The following LINGO1 variants were observed in gnomAD, a reference collection of about 807,000 sequenced individuals.
LINGO1 encodes the protein leucine rich repeat and Ig domain containing 1, also known as leucine-rich repeat and immunoglobulin-like domain-containing nogo receptor-interacting protein 1.
In LINGO1, 11 loss-of-function variants were observed where a neutral mutation model predicts 37.3. The ratio of observed to expected loss-of-function variants is 0.29; its 90% CI spans 0.19 to 0.49. The LOEUF is 0.49. Ranked by LOEUF, LINGO1 falls within the 20% of genes least tolerant of loss-of-function variation. The pLI, the probability that LINGO1 is intolerant of heterozygous loss-of-function variation, is 0.99. For missense variants in LINGO1, 585 were observed against 878.2 expected, an observed-to-expected ratio of 0.67 and a Z score of 4.22; for synonymous variants, 387 against 403.0, an observed-to-expected ratio of 0.96 and a Z score of 0.48.
chr15:77,693,581 G>C (rs1370590886), intron 1 of LINGO1, among the ~76,000 whole-genome samples: 1 of 152,236 alleles, frequency 6.6e-6, no homozygotes, highest in African/African-American at 2.4e-5. Flanking sequence ...AACCAGGTAA[G>C]TGCTATGATG....
upstream of LINGO1, among the ~76,000 whole-genome samples, chr15:77,699,708 C>G (rs2075751933): frequency 5.0e-5 from 2 of 39,684 alleles, no homozygotes; most frequent in African/African-American, 9.4e-5. Context: ...TACTAACCAT[C>G]ATTCCCACAC....
chr15:77,634,818 T>G (rs1195966617), upstream of LINGO1, among the ~76,000 whole-genome samples: 3 of 117,530 alleles, frequency 2.6e-5, no homozygotes, highest in Admixed American at 8.6e-5. Context: ...CCGCGCCGCC[T>G]CCTCCCACCA....
chr15:77,802,640 C>T (rs1567592624), intron 1 of LINGO1, among the ~76,000 whole-genome samples: 2 of 152,232 alleles, frequency 1.3e-5, no homozygotes, highest in East Asian at 1.9e-4. Context: ...TTGCACAGCT[C>T]GTGTTCCACC....
rs2073657981 is a variant in LINGO1, at chr15:77,615,092, T to C, written c.815A>G (p.His272Arg). The C allele has an allele frequency of 4.3e-6, 7 of 1,613,760 alleles. No homozygotes were observed. In the African/African-American group the frequency reaches 6.7e-5, roughly 15 times the overall value. ...GTAGGGCACAGCGGTCAGATTGCAG[T>C]GTGTGATGGACAGGGACGTCAGGTT... The part of the protein sequence containing the change: ...GLNLTSLSIT[H>R]CNLTAVPYLA... The change falls in exon 2 of 2, where the codon CAC (histidine) becomes CGC (arginine). Residue 272 changes from histidine (H) to arginine (R), a missense_variant. Around this residue, in one of 4 missense-constraint regions of LINGO1, gnomAD observed 484 missense variants for 735.0 expected, o/e 0.66. Coordinates refer to ENST00000355300, the MANE Select transcript of LINGO1 (RefSeq NM_032808.7).
At chr15:77,777,467 A>G (rs28434251) in intron 1 of LINGO1, among the ~76,000 whole-genome samples, 9,784 of 29,774 alleles carry the variant, frequency 0.33, 817 homozygotes, top group African/African-American at 0.51. Flanking sequence ...ACACACACGC[A>G]CACACACACA....
upstream of LINGO1, chr15:77,634,467 G>C: frequency 2.6e-6 from 1 of 381,650 alleles, no homozygotes; most frequent in Non-Finnish European, 5.3e-6. Flanking sequence ...TCACCCTCCA[G>C]CAACTCTGGG....
chr15:77,687,995 C>A (rs527842775), intron 2 of LINGO1, among the ~76,000 whole-genome samples: 2 of 152,172 alleles, frequency 1.3e-5, no homozygotes, highest in African/African-American at 4.8e-5. Flanking sequence ...TGCTTTTAAG[C>A]CACCTTGCTG....
At chr15:77,649,009 G>C (rs937698867) in intron 3 of LINGO1, 1 of 152,200 alleles carries the variant, frequency 6.6e-6, no homozygotes. Context: ...TACTATTGTG[G>C]GTTCTGGTCC....
chr15:77,792,980 T>C (rs9806264), intron 2 of LINGO1, among the ~76,000 whole-genome samples: 138,481 of 152,252 alleles, frequency 0.91, 63,385 homozygotes, highest in Non-Finnish European at 0.96. Context: ...GGAGAGGCCA[T>C]TAGCTCTACC....
chr15:77,808,993 G>A (rs541506881), intron 1 of LINGO1, among the ~76,000 whole-genome samples: 1 of 152,332 alleles, frequency 6.6e-6, no homozygotes. Flanking sequence ...CCGGCTAGGA[G>A]CAAAGGGCAC....
intron 1 of LINGO1, among the ~76,000 whole-genome samples, chr15:77,627,916 G>A (rs2074142091): frequency 6.6e-6 from 1 of 152,230 alleles, no homozygotes; most frequent in Admixed American, 6.5e-5. Context: ...TGCTTAGTGA[G>A]CACCTAGTAC....
chr15:77,647,836 C>T (rs1373730112), intron 3 of LINGO1: 1 of 456,254 alleles, frequency 2.2e-6, no homozygotes, highest in South Asian at 1.6e-5. Context: ...TTTTGGCCCT[C>T]AGCACTTTTC....
At chr15:77,649,202 C>T (rs1046734658) in intron 3 of LINGO1, 14 of 152,204 alleles carry the variant, frequency 9.2e-5, no homozygotes, top group Admixed American at 9.2e-4. Context: ...TTTTAATAGC[C>T]ACACACACGG....
intron 2 of LINGO1, among the ~76,000 whole-genome samples, chr15:77,794,067 C>T (rs117027728): frequency 0.028 from 4,235 of 152,212 alleles, 76 homozygotes; most frequent in Non-Finnish European, 0.039. Context: ...CCAATGCCCC[C>T]GGGCTGTGGT....
At chr15:77,804,087 C>G (rs553375554) in intron 1 of LINGO1, among the ~76,000 whole-genome samples, 110 of 152,046 alleles carry the variant, frequency 7.2e-4, no homozygotes, top group Non-Finnish European at 1.4e-3. Flanking sequence ...AGCAGGAGTT[C>G]CCAGCAGGGT....
intron 1 of LINGO1, among the ~76,000 whole-genome samples, chr15:77,693,999 C>T (rs2075648864): frequency 6.6e-6 from 1 of 152,112 alleles, no homozygotes. Flanking sequence ...GGAAACAGAT[C>T]TCTGTTCAGC....
At chr15:77,628,013 C>A (rs777749128) in intron 1 of LINGO1, among the ~76,000 whole-genome samples, 10 of 152,164 alleles carry the variant, frequency 6.6e-5, no homozygotes, top group Non-Finnish European at 1.2e-4. Context: ...TCATGAAATA[C>A]CATCTTACAT....
intron 3 of LINGO1, among the ~76,000 whole-genome samples, chr15:77,642,853 C>T (rs1210357286): frequency 6.6e-6 from 1 of 152,258 alleles, no homozygotes; most frequent in Non-Finnish European, 1.5e-5. Context: ...GGGGTCCTCT[C>T]TGCACCCCTT....
chr15:77,615,134 T>C lies in LINGO1; in HGVS notation c.773A>G (p.Asn258Ser), dbSNP rs77436810. ...HWPYLDTMTP[N>S]CLYGLNLTSL... The stretch of plus-strand genomic sequence containing the variant: ...CGTCAGGTTGAGGCCGTAGAGGCAG[T>C]TGGGTGTCATGGTGTCCAAGTAGGG... Residue 258 changes from asparagine (N) to serine (S), a missense_variant, in exon 2 of 2, where the codon AAC (asparagine) becomes AGC (serine). Transcript: ENST00000355300. 8.1e-6 allele frequency: 13 copies of C among 1,613,830 alleles called. No homozygotes were observed. The highest frequency in any genetic ancestry group is 3.3e-5 in the Admixed American group (2 of 60,008).
Sources: allele counts gnomAD v4.1 joint callset (sites outside exome capture counted in the v4.1 genomes callset), GRCh38; gene constraint gnomAD v4.1.1; regional missense constraint gnomAD v4.1.1; transcripts MANE v1.5; gene names NCBI Gene and HGNC (gene_info 2026-07-23, HGNC 2026-07-21).